AP1G1: variants seen among roughly 807,000 people sequenced by gnomAD.
AP1G1 encodes adaptor related protein complex 1 subunit gamma 1.
AP1G1 carries 7 observed loss-of-function variants against 108.3 expected under a neutral mutation model. The ratio of observed to expected loss-of-function variants is 0.06; its 90% CI spans 0.04 to 0.12. AP1G1 has a LOEUF of 0.12. Ranked by LOEUF, AP1G1 falls within the 10% of genes least tolerant of loss-of-function variation. The pLI is 1.00. For missense variants in AP1G1, 756 were observed against 1,010.7 expected (o/e 0.75, Z 3.42); for synonymous variants, 379 against 353.5 (o/e 1.07, Z -0.81).
intron 17 of AP1G1, 114 bp from the exon 18 acceptor site, chr16:71,745,728 C>T: frequency 1.2e-6 from 1 of 844,148 alleles, no homozygotes; most frequent in South Asian, 1.5e-5. Flanking sequence ...CCCTCCCCAT[C>T]CAACACACAC....
Position 71,732,963 on chromosome 16 carries a change from G to A in AP1G1, c.*95C>T, listed in dbSNP as rs544927536. ...CAGTTCTCTTCAGCTCCTCATGCCC[G>A]TGGTACAGTTGGGGGGGACTTGCCA... is the stretch of plus-strand genomic sequence containing the variant. On this transcript the variant is annotated 3_prime_UTR_variant, in exon 23 of 23. Coordinates refer to ENST00000299980, the MANE Select transcript of AP1G1 (RefSeq NM_001128.6). 141 of 928,988 alleles carry A rather than the reference G, an allele frequency of 1.5e-4. No individual in the cohort carries two copies. Among genetic ancestry groups the A allele is most frequent in the Middle Eastern group, 2.2e-4 (1 of 4,470 alleles). The allele number at this position is 928,988 out of a possible 1,614,324, so 57.5% of individuals were successfully genotyped here.
At chr16:71,785,280 G>C (rs1180090180) in intron 2 of AP1G1, among the ~76,000 whole-genome samples, 1 of 151,986 alleles carries the variant, frequency 6.6e-6, no homozygotes, top group Non-Finnish European at 1.5e-5. Context: ...ATATTTAAAA[G>C]TCTTCCAATA....
intron 21 of AP1G1, among the ~76,000 whole-genome samples, chr16:71,736,120 ATATATATAT>A (rs1567638696): frequency 4.1e-4 from 30 of 73,440 alleles, no homozygotes; most frequent in African/African-American, 6.8e-4. Context: ...AAAAAAAAAT[ATATATATAT>A]ATATATATAT....
chr16:71,804,833 A>G (rs2142290305), intron 1 of AP1G1, among the ~76,000 whole-genome samples: 1 of 152,212 alleles, frequency 6.6e-6, no homozygotes, highest in South Asian at 2.1e-4. Context: ...CCTGGGCAAC[A>G]TGGCGAATCC....
chr16:71,739,474 C>A, intron 19 of AP1G1, 133 bp from the exon 20 acceptor site: 2 of 646,960 alleles, frequency 3.1e-6, no homozygotes, highest in Non-Finnish European at 5.0e-6. Context: ...GCATAGACCA[C>A]AAAGAGAAAG....
intron 1 of AP1G1, 49 bp downstream of exon 1, chr16:71,808,714 G>A (rs932585747): frequency 7.8e-7 from 1 of 1,285,606 alleles, no homozygotes; most frequent in African/African-American, 1.5e-5. Context: ...CCGCGGCAGC[G>A]GCGGGGCAAA....
chr16:71,753,678 G>A, intron 13 of AP1G1, 155 bp downstream of exon 13: 2 of 714,904 alleles, frequency 2.8e-6, no homozygotes, highest in Admixed American at 2.2e-5. Context: ...CCTCCATGCT[G>A]CTTTAGGTTT....
intron 21 of AP1G1, among the ~76,000 whole-genome samples, chr16:71,736,598 ATT>A (rs199980464): frequency 1.4e-5 from 1 of 70,712 alleles, no homozygotes; most frequent in African/African-American, 6.4e-5. Flanking sequence ...TTATTTATTT[ATT>A]TTTTGAGACG....
Position 71,808,729 on chromosome 16 carries a change from G to A in AP1G1, c.-4+34C>T, listed in dbSNP as rs779728949. 7.0e-6 allele frequency: 9 copies of A among 1,288,058 alleles called. No individual in the cohort carries two copies. In the South Asian group the frequency reaches 8.6e-5, roughly 12 times the overall value. The allele number at this position is 1,288,058 out of a possible 1,614,324, so 79.8% of individuals were successfully genotyped here. A position where few individuals can be genotyped will look rare whatever the true frequency, so the allele number is the denominator to read the frequency against. Reference sequence around the variant, plus strand: ...CCGCGGCAGCGGCGGGGCAAAAGCAGCAATATGCTCTCAGCGCCGGGAGTG... The same window carrying A: ...CCGCGGCAGCGGCGGGGCAAAAGCAACAATATGCTCTCAGCGCCGGGAGTG... On this transcript the variant is annotated intron_variant, in intron 1 of 22. Coordinates refer to ENST00000299980, the MANE Select transcript of AP1G1 (RefSeq NM_001128.6).
rs1424274483 is a variant in AP1G1, at chr16:71,764,655, T to G, written c.810A>C (p.Ile270=). The G allele has an allele frequency of 6.2e-7, 1 of 1,605,288 alleles. No homozygotes were observed. Among genetic ancestry groups the G allele is most frequent in the Non-Finnish European group, 8.5e-7 (1 of 1,176,680 alleles). The change falls in exon 8 of 23, where the codon ATA becomes ATC. Residue 270 remains isoleucine, a synonymous_variant. Coordinates refer to ENST00000299980, the MANE Select transcript of AP1G1 (RefSeq NM_001128.6). ...DDDSSEAMND[I]LAQVATNTET... is the part of the protein sequence containing the mutation. ...TGTTTGGTCTACTCACCTGTGCTAA[T>G]ATATCATTCATAGCTTCACTTGAAT...
intron 7 of AP1G1, 97 bp from the exon 8 acceptor site, chr16:71,764,823 A>C: frequency 5.5e-6 from 4 of 725,042 alleles, no homozygotes; most frequent in Non-Finnish European, 9.2e-6. Flanking sequence ...AGTCTTAGAA[A>C]TTCATTTGGA....
At chr16:71,808,718 G>C in intron 1 of AP1G1, 45 bp downstream of exon 1, 2 of 1,285,950 alleles carry the variant, frequency 1.6e-6, no homozygotes, top group Non-Finnish European at 2.0e-6. Flanking sequence ...GGCAGCGGCG[G>C]GGCAAAAGCA....
intron 2 of AP1G1, among the ~76,000 whole-genome samples, chr16:71,788,667 T>TAA (rs398058359): frequency 8.5e-4 from 117 of 136,852 alleles, no homozygotes; most frequent in African/African-American, 2.5e-3. Flanking sequence ...CTTTTTTTTT[T>TAA]AAAAAAAAAA....
At chr16:71,775,494 T>C (rs997599597) in intron 2 of AP1G1, among the ~76,000 whole-genome samples, 1 of 152,070 alleles carries the variant, frequency 6.6e-6, no homozygotes. Context: ...AAACACAAAC[T>C]AGAAGTATTA....
At chr16:71,806,665 T>C (rs1398682701) in intron 1 of AP1G1, 2 of 1,277,252 alleles carry the variant, frequency 1.6e-6, no homozygotes, top group African/African-American at 1.5e-5. Flanking sequence ...ATTTCAGTAG[T>C]AACTGCGAGG....
intron 11 of AP1G1, chr16:71,758,424 T>G (rs779101908): frequency 5.7e-6 from 3 of 522,748 alleles, no homozygotes; most frequent in Non-Finnish European, 1.1e-5. Context: ...GCAGTTTGAG[T>G]GTCAGCATTG....
chr16:71,745,751 G>A, intron 17 of AP1G1, 137 bp from the exon 18 acceptor site: 1 of 766,798 alleles, frequency 1.3e-6, no homozygotes, highest in South Asian at 1.7e-5. Flanking sequence ...TAAAATAGAA[G>A]GTAGATTACA....
At chr16:71,777,968 G>A (rs1567656583) in intron 2 of AP1G1, 1 of 177,954 alleles carries the variant, frequency 5.6e-6, no homozygotes, top group South Asian at 1.1e-4. Flanking sequence ...GCTCAGTCGG[G>A]TCAAGTTTTA....
intron 1 of AP1G1, among the ~76,000 whole-genome samples, chr16:71,806,992 A>T (rs930106538): frequency 6.6e-6 from 1 of 152,244 alleles, no homozygotes; most frequent in Non-Finnish European, 1.5e-5. Context: ...TTATAAATTT[A>T]AACTTCAACC....
Sources: allele counts gnomAD v4.1 joint callset (sites outside exome capture counted in the v4.1 genomes callset), GRCh38; gene constraint gnomAD v4.1.1; transcripts MANE v1.5; gene names NCBI Gene and HGNC (gene_info 2026-07-23, HGNC 2026-07-21).